The following ATL3 variants were observed in gnomAD, a reference collection of about 807,000 sequenced individuals.
ATL3 encodes atlastin GTPase 3.
In ATL3, 49 loss-of-function variants were observed where a neutral mutation model predicts 69.5. That is an observed-to-expected ratio of 0.71 (90% CI 0.56 to 0.89). ATL3 has a LOEUF of 0.89. Among genes scored for constraint, ATL3 ranks in the 40% least tolerant of loss-of-function variants. The pLI is 0.00. For missense variants in ATL3, 606 were observed against 645.7 expected (o/e 0.94, Z 0.67); for synonymous variants, 214 against 224.1 (o/e 0.95, Z 0.40).
chr11:63,638,218 T>C (rs1197888576), intron 8 of ATL3, among the ~76,000 whole-genome samples: 1 of 152,160 alleles, frequency 6.6e-6, no homozygotes, highest in Non-Finnish European at 1.5e-5. Context: ...AACTATCTCA[T>C]AACAGAAACA....
intron 3 of ATL3, among the ~76,000 whole-genome samples, chr11:63,653,007 T>C (rs1269321026): frequency 6.6e-6 from 1 of 151,246 alleles, no homozygotes; most frequent in Non-Finnish European, 1.5e-5. Flanking sequence ...CTGGGCAACA[T>C]AGTGAGACCC....
chr11:63,661,871 A>C (rs1940431228), intron 1 of ATL3, among the ~76,000 whole-genome samples: 1 of 151,054 alleles, frequency 6.6e-6, no homozygotes, highest in African/African-American at 2.4e-5. Context: ...CCTGGGCAAA[A>C]GAGTGACACT....
intron 1 of ATL3, among the ~76,000 whole-genome samples, chr11:63,668,753 A>G (rs1429379388): frequency 1.3e-5 from 2 of 151,182 alleles, no homozygotes; most frequent in Non-Finnish European, 2.9e-5. Context: ...TTTCCTAAGA[A>G]TAAGAATGCC....
intron 5 of ATL3, among the ~76,000 whole-genome samples, chr11:63,651,535 T>G (rs1940080648): frequency 6.6e-6 from 1 of 152,002 alleles, no homozygotes; most frequent in South Asian, 2.1e-4. Context: ...CCAGAATGAG[T>G]GGGACCTCAC....
Position 63,659,132 on chromosome 11 carries a change from C to T in ATL3, c.167G>A (p.Arg56Gln), listed in dbSNP as rs1555056736. 5.0e-6 allele frequency: 8 copies of T among 1,613,996 alleles called. No individual in the cohort carries two copies. Among genetic ancestry groups the T allele is most frequent in the Non-Finnish European group, 6.8e-6 (8 of 1,179,988 alleles). Reference protein sequence around the residue: ...LASILLQDHIRDLDVVVVSVA... With the variant: ...LASILLQDHIQDLDVVVVSVA... ...TGAAACCACCACCACATCAAGATCT[C>T]GGATGTGGTCCTGCAAGAGGATGCT... The change falls in exon 2 of 13, where the codon CGA becomes CAA. Residue 56 changes from arginine (R) to glutamine (Q), a missense_variant. Physicochemically the swap from Arg to Gln is conservative, Grantham distance 43. Transcript: ENST00000398868.
At chr11:63,636,893 A>G (rs75359989) in intron 8 of ATL3, among the ~76,000 whole-genome samples, 2,724 of 152,296 alleles carry the variant, frequency 0.018, 32 homozygotes, top group Middle Eastern at 0.031. Flanking sequence ...CTAGTTCAAA[A>G]TAGAATACTA....
intron 8 of ATL3, among the ~76,000 whole-genome samples, chr11:63,637,003 G>A (rs1043454959): frequency 1.3e-5 from 2 of 152,164 alleles, no homozygotes; most frequent in Admixed American, 6.5e-5. Flanking sequence ...TGATGGCCGT[G>A]CGTGGTGGCT....
At chr11:63,632,286 A>AGCT in intron 11 of ATL3, 1 of 765,652 alleles carries the variant, frequency 1.3e-6, no homozygotes, top group Non-Finnish European at 2.4e-6. Flanking sequence ...ATGGCTGTAT[A>AGCT]GCTCACTGTG....
chr11:63,637,277 G>GAAAA (rs56386158), intron 8 of ATL3, among the ~76,000 whole-genome samples: 42,323 of 139,440 alleles, frequency 0.3, 7,498 homozygotes, highest in East Asian at 0.78. Flanking sequence ...CTCCATCTCA[G>GAAAA]AAAAAAAAAA....
intron 10 of ATL3, among the ~76,000 whole-genome samples, chr11:63,634,038 C>CAAAAA (rs1158615731): frequency 1.2e-4 from 9 of 76,038 alleles, no homozygotes; most frequent in East Asian, 5.2e-4. Flanking sequence ...CTGTCTCAAA[C>CAAAAA]AAAAAAAAAA....
chr11:63,633,033 ATGT>A lies in ATL3; in HGVS notation c.1097_1099del (p.Asn366del). The stretch of plus-strand genomic sequence containing the variant: ...GGCGTATGTCCCACGTACCTCTTCC[ATGT>A]TGTTATAATAAATGTCCTTGGCAGA... On this transcript the variant is annotated inframe_deletion, in exon 11 of 13. Coordinates refer to ENST00000398868, the MANE Select transcript of ATL3 (RefSeq NM_015459.5). 1 of 1,614,058 alleles carries A rather than the reference ATGT, an allele frequency of 6.2e-7. No individual in the cohort carries two copies. Among genetic ancestry groups the A allele is most frequent in the South Asian group, 1.1e-5 (1 of 91,084 alleles).
upstream of ATL3, chr11:63,671,504 T>A: frequency 6.9e-7 from 1 of 1,447,698 alleles, no homozygotes; most frequent in East Asian, 2.9e-5. Flanking sequence ...CGCAGCGCGG[T>A]CTGCGTGGCC....
At chr11:63,670,659 A>G (rs1160004414) in intron 1 of ATL3, 2 of 152,292 alleles carry the variant, frequency 1.3e-5, no homozygotes, top group East Asian at 1.9e-4. Context: ...CTAACTTACG[A>G]AAAACCAATT....
At chr11:63,671,446 G>GA (rs745387293), upstream of ATL3, 3 of 1,489,664 alleles carry the variant, frequency 2.0e-6, no homozygotes, top group East Asian at 2.8e-5. Context: ...CTGGGCTCTA[G>GA]AAAAAACTAG....
rs1267672809 is a variant in ATL3 at position 63,652,448 on chromosome 11, T to C, written c.510+23A>G. 7 of 1,446,032 alleles carry C rather than the reference T, an allele frequency of 4.8e-6. 1 individual carries two copies. The South Asian group carries it at 8.9e-5, about 18-fold the overall frequency. 89.6% of individuals were successfully genotyped at this position (1,446,032 alleles called of 1,614,324 possible). ...TTATCTTATTTCCTTTGCGAGCTTT[T>C]TTCTGAGTCAAGTGGTTTTTACCTG... On this transcript the variant is annotated intron_variant, in intron 4 of 12. Coordinates refer to ENST00000398868, the MANE Select transcript of ATL3 (RefSeq NM_015459.5).
At chr11:63,640,544 A>ATTTGTG (rs773936636) in intron 8 of ATL3, among the ~76,000 whole-genome samples, 25 of 141,390 alleles carry the variant, frequency 1.8e-4, no homozygotes, top group South Asian at 6.5e-4. Flanking sequence ...ATAAAGACAC[A>ATTTGTG]TTTGTGTTGT....
At chr11:63,655,635 T>C (rs1940217732) in intron 3 of ATL3, among the ~76,000 whole-genome samples, 2 of 150,080 alleles carry the variant, frequency 1.3e-5, no homozygotes, top group Admixed American at 1.3e-4. Context: ...TTAGTAGAGA[T>C]GGGTTTTCAC....
At chr11:63,655,180 T>C (rs2134514190) in intron 3 of ATL3, among the ~76,000 whole-genome samples, 1 of 152,306 alleles carries the variant, frequency 6.6e-6, no homozygotes, top group Admixed American at 6.5e-5. Context: ...CAGAGTGTTG[T>C]TATTCCTCAT....
At position 63,624,816 on chromosome 11, in the gene ATL3, T is replaced by C. The variant is rs1939051392; in HGVS notation, c.*4503A>G. The stretch of plus-strand genomic sequence containing the variant: ...TCTGAACACAGAAAACGCCTGGGGA[T>C]TGTACTGGCAAGAGACCACCTATTC... On this transcript the variant is annotated 3_prime_UTR_variant, in exon 13 of 13. Coordinates refer to ENST00000398868, the MANE Select transcript of ATL3 (RefSeq NM_015459.5). 1 of 152,164 alleles carries C rather than the reference T, an allele frequency of 6.6e-6. No homozygotes were observed. Among genetic ancestry groups the C allele is most frequent in the Non-Finnish European group, 1.5e-5 (1 of 68,024 alleles). 9.4% of individuals were successfully genotyped at this position (152,164 alleles called of 1,614,324 possible).
Sources: gnomAD v4.1 joint callset for allele counts (sites outside exome capture counted in the v4.1 genomes callset) on GRCh38, gnomAD v4.1.1 for gene constraint, MANE v1.5 for transcripts, NCBI Gene and HGNC (gene_info 2026-07-23, HGNC 2026-07-21) for gene names.